Variants in TG observed in about 807,000 individuals in gnomAD.
TG encodes thyroglobulin.
TG carries 270 observed loss-of-function variants against 324.7 expected under a neutral mutation model. The ratio of observed to expected loss-of-function variants is 0.83; its 90% CI spans 0.75 to 0.92. The LOEUF (loss-of-function observed/expected upper bound fraction) is 0.92. Among genes scored for constraint, TG ranks in the 40% least tolerant of loss-of-function variants. The pLI is 0.00. For synonymous variants in TG, 1,401 were observed against 1,327.0 expected, an observed-to-expected ratio of 1.06 and a Z score of -1.21; for missense variants, 3,591 against 3,456.4, an observed-to-expected ratio of 1.04 and a Z score of -0.98.
At chr8:133,132,102 C>A (rs544767619) in intron 46 of TG, among the ~76,000 whole-genome samples, 156 bp downstream of exon 46, 2 of 152,318 alleles carry the variant, frequency 1.3e-5, no homozygotes, top group South Asian at 4.1e-4. Flanking sequence ...TCAGTCACCC[C>A]CTCCTAGCCA....
Position 132,932,085 on chromosome 8 carries a change from C to A in TG, c.4817-1476C>A, listed in dbSNP as rs529873903. 4.6e-5 allele frequency among the ~76,000 whole-genome samples: 7 copies of A among 151,098 alleles called. No individual in the cohort carries two copies. The South Asian group carries it at 1.5e-3, about 32-fold the overall frequency. Reference sequence around the variant, plus strand: ...CTCCAGCCTGGGCAACAGAGCCAGACCCTGTCTCAAAAAATATTTTAAAAC... The same window carrying A: ...CTCCAGCCTGGGCAACAGAGCCAGAACCTGTCTCAAAAAATATTTTAAAAC... On this transcript the variant is annotated intron_variant, in intron 23 of 47. Transcript: ENST00000220616.
At position 132,888,584 on chromosome 8, in the gene TG, T is replaced by A. The variant is rs750118840; in HGVS notation, c.2761+16T>A. On this transcript the variant is annotated intron_variant, in intron 10 of 47. Transcript: ENST00000220616. ...CTCCCAACATGTGAGCTAACGCATA[T>A]GAAGAGTTAAATGTGTGTGTGTGTG... 6 of 1,601,684 alleles carry A rather than the reference T, an allele frequency of 3.7e-6. No individual in the cohort carries two copies. The South Asian group carries it at 6.7e-5, about 18-fold the overall frequency.
chr8:132,894,743 G>A (rs968001674), intron 11 of TG, among the ~76,000 whole-genome samples: 2 of 152,202 alleles, frequency 1.3e-5, no homozygotes, highest in Non-Finnish European at 2.9e-5. Context: ...TTACAGGCAT[G>A]AGTCACAGCC....
intron 2 of TG, among the ~76,000 whole-genome samples, chr8:132,869,029 A>T (rs1839230394): frequency 6.6e-6 from 1 of 152,214 alleles, no homozygotes; most frequent in Non-Finnish European, 1.5e-5. Flanking sequence ...CTGCTAGAGC[A>T]GTCCCTGCTT....
At chr8:133,047,889 A>G in intron 41 of TG, 1 of 1,613,278 alleles carries the variant, frequency 6.2e-7, no homozygotes. Context: ...TGGCAGCTGC[A>G]GCAGCTCCTC....
intron 41 of TG, among the ~76,000 whole-genome samples, chr8:133,030,556 G>T (rs1836541174): frequency 6.6e-6 from 1 of 152,238 alleles, no homozygotes; most frequent in African/African-American, 2.4e-5. Flanking sequence ...TCATTGATTA[G>T]TTTCTAATTT....
chr8:133,013,884 T>A, intron 37 of TG, 120 bp downstream of exon 37: 1 of 1,221,458 alleles, frequency 8.2e-7, no homozygotes, highest in Non-Finnish European at 1.2e-6. Flanking sequence ...CTGGGCTAGG[T>A]GGCACTCACT....
intron 9 of TG, 28 bp from the exon 10 acceptor site, chr8:132,887,956 G>T: frequency 6.3e-7 from 1 of 1,593,706 alleles, no homozygotes; most frequent in South Asian, 1.1e-5. Flanking sequence ...TTCTTAAACT[G>T]AAACACCTGC....
chr8:133,055,114 G>A (rs1841135520), intron 41 of TG, among the ~76,000 whole-genome samples: 2 of 152,060 alleles, frequency 1.3e-5, no homozygotes, highest in Non-Finnish European at 1.5e-5. Flanking sequence ...GGCTCTCCTT[G>A]GCACTTAATC....
intron 41 of TG, among the ~76,000 whole-genome samples, chr8:133,086,122 T>C (rs2131572149): frequency 6.6e-6 from 1 of 152,362 alleles, no homozygotes; most frequent in Middle Eastern, 3.4e-3. Context: ...TATTCTATGA[T>C]TCCATTTATA....
Position 133,108,953 on chromosome 8 carries a change from C to G in TG, c.7573-4469C>G, listed in dbSNP as rs9774204. Among the ~76,000 whole-genome samples the G allele has an allele frequency of 9.7e-3, 1,482 of 152,292 alleles. 20 individuals carry two copies. Among genetic ancestry groups the G allele is most frequent in the African/African-American group, 0.034 (1,417 of 41,546 alleles). ...CATGTGCCAACTACTGTGCTAAACA[C>G]TTTTAATGCATGTTTCGTTGGGATC... On this transcript the variant is annotated intron_variant, in intron 43 of 47. Transcript: ENST00000220616.
At chr8:132,954,100 T>G (rs1335169291) in intron 27 of TG, among the ~76,000 whole-genome samples, 7 of 152,126 alleles carry the variant, frequency 4.6e-5, no homozygotes, top group Admixed American at 4.6e-4. Flanking sequence ...TGGTGTTCAC[T>G]TTATAGGGGT....
intron 35 of TG, among the ~76,000 whole-genome samples, chr8:132,993,756 C>A (rs1832611766): frequency 6.6e-6 from 1 of 152,190 alleles, no homozygotes; most frequent in African/African-American, 2.4e-5. Context: ...CAGTAACTTT[C>A]TCCCTATACA....
At chr8:132,881,633 C>T (rs548017385) in intron 5 of TG, among the ~76,000 whole-genome samples, 14 of 152,184 alleles carry the variant, frequency 9.2e-5, no homozygotes, top group South Asian at 4.1e-4. Flanking sequence ...AATTGTTAGA[C>T]GACAGCTATG....
Position 132,969,494 on chromosome 8 carries a change from G to T in TG, c.5900G>T (p.Arg1967Leu). 2 of 1,613,766 alleles carry T rather than the reference G, an allele frequency of 1.2e-6. No individual in the cohort carries two copies. The highest frequency in any genetic ancestry group is 1.3e-5 in the African/African-American group (1 of 74,950). The change falls in exon 32 of 48, where the codon CGC (arginine) becomes CTC (leucine). Residue 1967 changes from arginine (R) to leucine (L), a missense_variant. Arg to Leu is a moderately radical substitution (Grantham distance 102, BLOSUM62 -2). Transcript: ENST00000220616. Reference sequence around the variant, plus strand: ...GATAAAGTGAAGAACTTTTACACTCGCCTGCCGTTCCAAAAACTGATGGGG... The same window carrying T: ...GATAAAGTGAAGAACTTTTACACTCTCCTGCCGTTCCAAAAACTGATGGGG... ...LEDKVKNFYTRLPFQKLMGIS... is the reference protein window; with the variant it reads ...LEDKVKNFYTLLPFQKLMGIS...
In TG at chr8:132,911,414, G is replaced by A. The variant is rs752217675; in HGVS notation, c.4040G>A (p.Cys1347Tyr). ...TFGTLVSIPV[C>Y]NNSSVQVGCL... ...GGCACCCTGGTTTCCATTCCTGTCT[G>A]CAACAACTCCTCTGTGCAGGTGGGT... The change falls in exon 19 of 48, where the codon TGC becomes TAC. Residue 1347 changes from cysteine (C) to tyrosine (Y), a missense_variant. Physicochemically the swap from Cys to Tyr is radical, Grantham distance 194 (BLOSUM62 -2). Transcript: ENST00000220616. 1.9e-6 allele frequency: 3 copies of A among 1,614,210 alleles called. No individual in the cohort carries two copies. The South Asian group carries it at 3.3e-5, about 18-fold the overall frequency.
intron 41 of TG, among the ~76,000 whole-genome samples, chr8:133,073,677 C>G (rs1057194649): frequency 5.9e-5 from 9 of 152,296 alleles, no homozygotes; most frequent in African/African-American, 2.2e-4. Flanking sequence ...GCAAACCACA[C>G]AATGACAATT....
intron 34 of TG, 55 bp downstream of exon 34, chr8:132,972,796 G>A: frequency 6.2e-7 from 1 of 1,607,640 alleles, no homozygotes; most frequent in Non-Finnish European, 8.5e-7. Context: ...CTATTTCCCA[G>A]CCATGCATTA....
At chr8:132,916,629 C>T (rs929577657) in intron 20 of TG, among the ~76,000 whole-genome samples, 13 of 152,196 alleles carry the variant, frequency 8.5e-5, no homozygotes, top group Non-Finnish European at 1.8e-4. Flanking sequence ...TTGCTCATGA[C>T]TCGTGTAGGC....
Sources: allele counts gnomAD v4.1 joint callset (sites outside exome capture counted in the v4.1 genomes callset), GRCh38; gene constraint gnomAD v4.1.1; transcripts MANE v1.5; gene names NCBI Gene and HGNC (gene_info 2026-07-23, HGNC 2026-07-21).